LRP4: variants seen among roughly 807,000 people sequenced by gnomAD.
LRP4 encodes the protein low-density lipoprotein receptor-related protein 4.
A neutral mutation model predicts 220.3 loss-of-function variants in LRP4; 95 were observed. The observed-to-expected ratio is 0.43, with a 90% CI of 0.37 to 0.51. The LOEUF is 0.51. LRP4 is among the 20% of genes least tolerant of loss of function. The pLI, the probability that LRP4 is intolerant of heterozygous loss-of-function variation, is 0.00. For missense variants in LRP4, 1,925 were observed against 2,567.0 expected (o/e 0.75, Z 5.40); for synonymous variants, 903 against 954.6 (o/e 0.95, Z 1.00).
chr11:46,867,451 T>C (rs1940734065), intron 34 of LRP4, among the ~76,000 whole-genome samples: 1 of 152,118 alleles, frequency 6.6e-6, no homozygotes, highest in South Asian at 2.1e-4. Context: ...TTTTTTTTGT[T>C]GTTTTATTTT....
At chr11:46,886,614 C>T in intron 16 of LRP4, 81 bp from the exon 17 acceptor site, 1 of 1,191,588 alleles carries the variant, frequency 8.4e-7, no homozygotes, top group Non-Finnish European at 1.2e-6. Context: ...ACCTGCGTGA[C>T]ATCTGGTTCA....
intron 9 of LRP4, 48 bp from the exon 10 acceptor site, chr11:46,896,066 C>A: frequency 1.2e-6 from 2 of 1,613,580 alleles, no homozygotes; most frequent in Non-Finnish European, 1.7e-6. Flanking sequence ...AATCCTCCCC[C>A]AGAGAGCCAA....
At chr11:46,860,011 G>A (rs2134752917) in intron 37 of LRP4, among the ~76,000 whole-genome samples, 1 of 152,178 alleles carries the variant, frequency 6.6e-6, no homozygotes, top group South Asian at 2.1e-4. Context: ...CAGGCGGGCA[G>A]ATCACTTGAG....
chr11:46,864,548 G>T lies in LRP4; in HGVS notation c.5156-13C>A. The T allele has an allele frequency of 1.3e-6, 2 of 1,572,982 alleles. No individual in the cohort carries two copies. Among genetic ancestry groups the T allele is most frequent in the South Asian group, 2.2e-5 (2 of 90,220 alleles). On this transcript the variant is annotated splice_polypyrimidine_tract_variant and intron_variant, in intron 35 of 37. Coordinates refer to ENST00000378623, the MANE Select transcript of LRP4 (RefSeq NM_002334.4). ...TGAAGTCCTTCCCCTAGGAAGAATA[G>T]AGAAACACTAGGCAGGGGCCACCGA...
At position 46,877,208 on chromosome 11, in the gene LRP4, G is replaced by T; in HGVS notation, c.3268C>A (p.Pro1090Thr). ...MKNTIAIGVDPQEGKVYWSDS... is the reference protein window; with the variant it reads ...MKNTIAIGVDTQEGKVYWSDS... Reference sequence around the variant, plus strand: ...AGAGGGCCATACAGACCTTCCTGGGGGTCTACTCCAATGGCAATGGTGTTC... The same window carrying T: ...AGAGGGCCATACAGACCTTCCTGGGTGTCTACTCCAATGGCAATGGTGTTC... Residue 1090 changes from proline (P) to threonine (T), a missense_variant, in exon 23 of 38, where the codon CCC becomes ACC. Transcript: ENST00000378623. 1 of 1,613,782 alleles carries T rather than the reference G, an allele frequency of 6.2e-7. No individual in the cohort carries two copies. The highest frequency in any genetic ancestry group is 1.3e-5 in the African/African-American group (1 of 74,990).
intron 22 of LRP4, among the ~76,000 whole-genome samples, chr11:46,878,571 G>T (rs1487801135): frequency 6.6e-6 from 1 of 152,134 alleles, no homozygotes; most frequent in Non-Finnish European, 1.5e-5. Context: ...ACCGTGCCCA[G>T]CCAGAAGTGT....
chr11:46,871,571 C>T lies in LRP4; in HGVS notation c.4646G>A (p.Arg1549Gln), dbSNP rs886048348. The T allele has an allele frequency of 6.2e-6, 10 of 1,613,424 alleles. No homozygotes were observed. The highest frequency in any genetic ancestry group is 8.5e-6 in the Non-Finnish European group (10 of 1,179,730). ...GGACACATGGCTGACCAAGACCTGC[C>T]GCAGTTTCCCATTGAGGTCAGCACT... ...IESADLNGKL[R>Q]QVLVSHVSHP... The change falls in exon 31 of 38, where the codon CGG becomes CAG. Residue 1549 changes from arginine to glutamine, a missense_variant. Arg to Gln is a conservative substitution (Grantham distance 43). Coordinates refer to ENST00000378623, the MANE Select transcript of LRP4 (RefSeq NM_002334.4).
chr11:46,910,686 T>TTTTTTTTTTC (rs2134884121), intron 1 of LRP4, among the ~76,000 whole-genome samples: 1 of 148,796 alleles, frequency 6.7e-6, no homozygotes, highest in South Asian at 2.2e-4. Flanking sequence ...CCCCCTTTTT[T>TTTTTTTTTTC]TTTTTGAGGT....
chr11:46,859,982 C>T (rs186105328), intron 37 of LRP4, among the ~76,000 whole-genome samples: 24 of 152,098 alleles, frequency 1.6e-4, no homozygotes, highest in South Asian at 1.2e-3. Flanking sequence ...CACCTGTAAT[C>T]CCAGCACTTT....
chr11:46,875,476 A>G lies in LRP4; in HGVS notation c.3905T>C (p.Val1302Ala). 2 of 1,614,014 alleles carry G rather than the reference A, an allele frequency of 1.2e-6. No individual in the cohort carries two copies. The highest frequency in any genetic ancestry group is 1.7e-6 in the Non-Finnish European group (2 of 1,180,004). Residue 1302 changes from valine (V) to alanine (A), a missense_variant, in exon 27 of 38, where the codon GTG becomes GCG. By Grantham distance (64) the Val-to-Ala change is moderately conservative. Around this residue, in one of 3 missense-constraint regions of LRP4, gnomAD observed 1,244 missense variants for 1,624.9 expected, o/e 0.77. Coordinates refer to ENST00000378623, the MANE Select transcript of LRP4 (RefSeq NM_002334.4). The surrounding 1 kb of genome is among the most constrained non-coding windows in gnomAD (Gnocchi z 4.5). ...NLPGLMDMQA[V>A]DRAQPLGFNK... is the part of the protein sequence containing the mutation. ...CTCACCTAGTGGCTGTGCCCGGTCC[A>G]CAGCCTGCATGTCCATGAGGCCTGG...
chr11:46,869,647 A>G (rs940123795), intron 31 of LRP4, among the ~76,000 whole-genome samples: 1 of 152,046 alleles, frequency 6.6e-6, no homozygotes, highest in African/African-American at 2.4e-5. Context: ...GAAATTCTCA[A>G]TCAAGGGGAG....
rs758885238 is a variant in LRP4, at chr11:46,893,001, G to A, written c.1669C>T (p.Arg557Trp). Reference protein sequence around the residue: ...VLLWQNLEKPRAIALHPMEGT... With the variant: ...VLLWQNLEKPWAIALHPMEGT... ...TCCATGGGATGCAAGGCAATGGCCCGGGGCTTCTCCAGGTTCTGCCACAGC... is the reference window on the plus strand; with the variant it reads ...TCCATGGGATGCAAGGCAATGGCCCAGGGCTTCTCCAGGTTCTGCCACAGC... The change falls in exon 13 of 38, where the codon CGG becomes TGG. Residue 557 changes from arginine to tryptophan, a missense_variant. By Grantham distance (101) the Arg-to-Trp change is moderately radical. Transcript: ENST00000378623. 1.9e-6 allele frequency: 3 copies of A among 1,613,674 alleles called. No homozygotes were observed. The highest frequency in any genetic ancestry group is 1.3e-5 in the African/African-American group (1 of 74,904).
In LRP4 at chr11:46,918,066, G is replaced by GGGGC. The variant is rs1941978217; in HGVS notation, c.52+261_52+262insGCCC. ...AGCGAGGGAGGGCGAGCGAACGAAC[G>GGGGC]CCCCGGACCTTACCCGCGCCCCGGC... is the stretch of plus-strand genomic sequence containing the variant. On this transcript the variant is annotated intron_variant, in intron 1 of 37. Transcript: ENST00000378623. The surrounding 1 kb of genome is among the most constrained non-coding windows in gnomAD (Gnocchi z 6.0). Among the ~76,000 whole-genome samples, 1 of 152,208 alleles carries GGGGC rather than the reference G, an allele frequency of 6.6e-6. No homozygotes were observed. The highest frequency in any genetic ancestry group is 1.5e-5 in the Non-Finnish European group (1 of 68,032).
rs187778904 is a variant in LRP4 at position 46,902,523 on chromosome 11, C to T, written c.199+260G>A. ...ACAGAGAGACCTATTTAAAGAAACT[C>T]CCTGTTGTGTTCTCTTACACGTGTT... On this transcript the variant is annotated intron_variant, in intron 2 of 37. Transcript: ENST00000378623. 1.4e-3 allele frequency among the ~76,000 whole-genome samples: 220 copies of T among 152,254 alleles called. 2 individuals carry two copies. The highest frequency in any genetic ancestry group is 1.5e-3 in the Non-Finnish European group (102 of 68,018).
At chr11:46,860,378 G>C (rs1201291730) in intron 37 of LRP4, among the ~76,000 whole-genome samples, 1 of 152,120 alleles carries the variant, frequency 6.6e-6, no homozygotes, top group South Asian at 2.1e-4. Flanking sequence ...TGAGTCCTGG[G>C]ACCATTCCCA....
At chr11:46,893,440 T>G (rs961546177) in intron 12 of LRP4, among the ~76,000 whole-genome samples, 6 of 152,202 alleles carry the variant, frequency 3.9e-5, no homozygotes, top group African/African-American at 1.2e-4. Context: ...CCCACTGCAC[T>G]GACCCAGGGG....
rs1000744964 is a variant in LRP4, at chr11:46,878,938, G to A, written c.3105C>T (p.Asn1035=). The change falls in exon 22 of 38, where the codon AAC becomes AAT. Residue 1035 remains asparagine, a synonymous_variant. Coordinates refer to ENST00000378623, the MANE Select transcript of LRP4 (RefSeq NM_002334.4). ...GFSCTCPTGI[N]LLSDGKTCSP... ...AGCAGGTCTTGCCATCAGACAGCAG[G>A]TTGATGCCTGTGGGGCAGGTACAGC... 1.2e-6 allele frequency: 2 copies of A among 1,614,110 alleles called. No homozygotes were observed. Among genetic ancestry groups the A allele is most frequent in the Admixed American group, 1.7e-5 (1 of 60,014 alleles).
At position 46,890,975 on chromosome 11, in the gene LRP4, G is replaced by A. The variant is rs561116987; in HGVS notation, c.1698-481C>T. 7.3e-5 allele frequency among the ~76,000 whole-genome samples: 11 copies of A among 151,678 alleles called. No homozygotes were observed. In the South Asian group the frequency reaches 2.3e-3, roughly 32 times the overall value. On this transcript the variant is annotated intron_variant, in intron 13 of 37. Transcript: ENST00000378623. This position sits in a 1 kb window ranked among gnomAD's most constrained non-coding sequence, Gnocchi z 5.3. ...TTTAATAATTTTTTTTTTCATACTG[G>A]CAACAGGCAGGACATACTATCTTAG...
rs545570216 is a variant in LRP4, at chr11:46,909,403, G to A, written c.53-6474C>T. ...GGGTGGATCATGAGGTCAGGAGATCGAGACCATCCTGGCTAACAAGGTGAA... is the reference window on the plus strand; with the variant it reads ...GGGTGGATCATGAGGTCAGGAGATCAAGACCATCCTGGCTAACAAGGTGAA... On this transcript the variant is annotated intron_variant, in intron 1 of 37. Transcript: ENST00000378623. 7.3e-5 allele frequency among the ~76,000 whole-genome samples: 9 copies of A among 122,674 alleles called. No individual in the cohort carries two copies. The South Asian group carries it at 2.5e-3, about 34-fold the overall frequency. 80.5% of individuals were successfully genotyped at this position (122,674 alleles called of 152,430 possible). A position where few individuals can be genotyped will look rare whatever the true frequency, so the allele number is the denominator to read the frequency against.
Sources: gnomAD v4.1 joint callset for allele counts (sites outside exome capture counted in the v4.1 genomes callset) on GRCh38, gnomAD v4.1.1 for gene constraint, gnomAD v4.1.1 regional missense constraint, Gnocchi (gnomAD v3.1) non-coding constraint, MANE v1.5 for transcripts, NCBI Gene and HGNC (gene_info 2026-07-23, HGNC 2026-07-21) for gene names.